The following TCP11L2 variants were observed in gnomAD, a reference collection of about 807,000 sequenced individuals.
The protein encoded by TCP11L2 is t-complex 11 like 2.
TCP11L2 carries 39 observed loss-of-function variants against 50.7 expected under a neutral mutation model. The ratio of observed to expected loss-of-function variants is 0.77; its 90% confidence interval spans 0.60 to 1.01. The LOEUF is 1.01. TCP11L2 is among the 50% of genes least tolerant of loss of function. TCP11L2 has a pLI of 0.00. For synonymous variants in TCP11L2, 192 were observed against 219.3 expected (o/e 0.88, Z 1.10); for missense variants, 612 against 614.7 (o/e 1.00, Z 0.05).
intron 6 of TCP11L2, among the ~76,000 whole-genome samples, chr12:106,327,567 T>C (rs1183998500): frequency 6.6e-6 from 1 of 152,180 alleles, no homozygotes; most frequent in Non-Finnish European, 1.5e-5. Context: ...GATTTAAGAA[T>C]AGAGCAAACC....
intron 3 of TCP11L2, 29 bp downstream of exon 3, chr12:106,314,522 A>G: frequency 6.3e-7 from 1 of 1,584,682 alleles, no homozygotes. Flanking sequence ...TTGTATATAA[A>G]CTGCTGAAGA....
rs763998268 is a variant in TCP11L2, at chr12:106,321,645, C to G, written c.574C>G (p.Pro192Ala). The change falls in exon 5 of 10, where the codon CCC (proline) becomes GCC (alanine). Residue 192 changes from proline to alanine, a missense_variant. Transcript: ENST00000299045. ...VISTMGKLCAPVRDNDIRELK... is the reference protein window; with the variant it reads ...VISTMGKLCAAVRDNDIRELK... ...CAGTACGATGGGAAAGCTGTGTGCT[C>G]CCGTGCGAGATAATGATATCAGAGA... The G allele has an allele frequency of 1.2e-6, 2 of 1,614,004 alleles. No individual in the cohort carries two copies. Among genetic ancestry groups the G allele is most frequent in the African/African-American group, 1.3e-5 (1 of 74,888 alleles).
chr12:106,331,057 TGTCTTTAAGGTCATA>T (rs914806211), intron 6 of TCP11L2, among the ~76,000 whole-genome samples: 4 of 152,218 alleles, frequency 2.6e-5, no homozygotes, highest in Non-Finnish European at 5.9e-5. Flanking sequence ...AACTGGACAT[TGTCTTTAAGGTCATA>T]GTCTTTAAGG....
Position 106,311,231 on chromosome 12 carries a change from T to G in TCP11L2, c.156T>G (p.Ala52=), listed in dbSNP as rs368859040. The change falls in exon 2 of 10, where the codon GCT becomes GCG. Residue 52 remains alanine, a splice_region_variant and synonymous_variant. Transcript: ENST00000299045. The part of the protein sequence containing the change: ...SDSSSKSSSP[A]STSPPRVVTF... Reference sequence around the variant, plus strand: ...CCTCCAGCAAATCCAGCTCTCCTGCTTGTGAGCCGATGGGGGAGCAGGGGT... The same window carrying G: ...CCTCCAGCAAATCCAGCTCTCCTGCGTGTGAGCCGATGGGGGAGCAGGGGT... The G allele has an allele frequency of 2.5e-5, 40 of 1,613,518 alleles. No individual in the cohort carries two copies. The African/African-American group carries it at 4.7e-4, about 19-fold the overall frequency.
At chr12:106,333,775 T>C (rs1565857320) in intron 6 of TCP11L2, among the ~76,000 whole-genome samples, 1 of 152,216 alleles carries the variant, frequency 6.6e-6, no homozygotes, top group South Asian at 2.1e-4. Context: ...CTCAAGACTG[T>C]ACATATAACA....
intron 6 of TCP11L2, chr12:106,330,424 C>T (rs1285482260): frequency 5.5e-6 from 3 of 541,702 alleles, no homozygotes; most frequent in Non-Finnish European, 7.1e-6. Flanking sequence ...TATGTCCCAT[C>T]CTGGCAGGGC....
Position 106,329,780 on chromosome 12 carries a change from A to G in TCP11L2, c.773-5859A>G, listed in dbSNP as rs75025484. On this transcript the variant is annotated intron_variant, in intron 6 of 9. Transcript: ENST00000299045. ...CCACATTGTAATTATATTCACGATG[A>G]TTTCCACTCGCGCTCTCTCAGTTGG... 1.4e-3 allele frequency: 1,378 copies of G among 993,582 alleles called. 20 individuals carry two copies. The African/African-American group carries it at 0.022, about 16-fold the overall frequency. The allele number at this position is 993,582 out of a possible 1,614,324, so 61.5% of individuals were successfully genotyped here.
intron 4 of TCP11L2, among the ~76,000 whole-genome samples, chr12:106,320,600 G>C (rs2035301194): frequency 6.6e-6 from 1 of 152,174 alleles, no homozygotes; most frequent in African/African-American, 2.4e-5. Context: ...ATGTGAGTGA[G>C]TGCATCCTGC....
upstream of TCP11L2, among the ~76,000 whole-genome samples, chr12:106,302,638 T>C (rs969124973): frequency 9.9e-5 from 15 of 151,594 alleles, no homozygotes; most frequent in Non-Finnish European, 1.9e-4. Context: ...CGAAGACTGT[T>C]TCTCTAATAG....
chr12:106,309,958 C>T (rs1482776531), intron 1 of TCP11L2, among the ~76,000 whole-genome samples: 2 of 152,150 alleles, frequency 1.3e-5, no homozygotes, highest in Non-Finnish European at 2.9e-5. Context: ...ATTCAGTGAA[C>T]TCTTCCTCTC....
At chr12:106,331,383 A>G (rs1394017250) in intron 6 of TCP11L2, among the ~76,000 whole-genome samples, 1 of 152,116 alleles carries the variant, frequency 6.6e-6, no homozygotes, top group African/African-American at 2.4e-5. Context: ...TAACCACCCC[A>G]CTGCTTAGCC....
At chr12:106,303,634 G>C (rs935118204) in intron 1 of TCP11L2, 3 of 152,256 alleles carry the variant, frequency 2.0e-5, no homozygotes, top group African/African-American at 7.2e-5. Flanking sequence ...TGCTACTGTA[G>C]GTGGCACCAC....
At chr12:106,342,787 A>T (rs1296022187) in intron 9 of TCP11L2, among the ~76,000 whole-genome samples, 1 of 152,126 alleles carries the variant, frequency 6.6e-6, no homozygotes, top group Non-Finnish European at 1.5e-5. Flanking sequence ...CATGTTCCTA[A>T]CTGCTCTGAC....
At chr12:106,304,837 G>T (rs2034564550) in intron 1 of TCP11L2, among the ~76,000 whole-genome samples, 1 of 152,222 alleles carries the variant, frequency 6.6e-6, no homozygotes, top group Non-Finnish European at 1.5e-5. Flanking sequence ...ATTTTGCGGT[G>T]CATAAAGAAT....
chr12:106,329,356 T>C (rs1565854295), intron 6 of TCP11L2: 3 of 1,536,090 alleles, frequency 2.0e-6, no homozygotes, highest in Non-Finnish European at 2.6e-6. Context: ...AGGTGCCTCA[T>C]GAGGCTGACC....
chr12:106,319,919 T>G (rs1039950132), intron 4 of TCP11L2, among the ~76,000 whole-genome samples: 1 of 152,268 alleles, frequency 6.6e-6, no homozygotes, highest in Non-Finnish European at 1.5e-5. Flanking sequence ...ATTCTATATG[T>G]AAAATATACT....
chr12:106,336,638 C>T (rs548431195), intron 8 of TCP11L2, among the ~76,000 whole-genome samples: 9 of 151,420 alleles, frequency 5.9e-5, no homozygotes, highest in South Asian at 2.1e-4. Flanking sequence ...CTGCAACCTC[C>T]GCCTCCCGGG....
At chr12:106,323,746 A>T in intron 6 of TCP11L2, 100 bp downstream of exon 6, 1 of 455,292 alleles carries the variant, frequency 2.2e-6, no homozygotes, top group Non-Finnish European at 3.3e-6. Context: ...AATTAAATTA[A>T]TAAATAAATA....
chr12:106,329,519 C>T, intron 6 of TCP11L2: 2 of 1,468,866 alleles, frequency 1.4e-6, no homozygotes, highest in East Asian at 2.5e-5. Flanking sequence ...TTAGAATCAT[C>T]TGGGGCGTTT....
Sources: allele counts gnomAD v4.1 joint callset (sites outside exome capture counted in the v4.1 genomes callset), GRCh38; gene constraint gnomAD v4.1.1; transcripts MANE v1.5; gene names NCBI Gene and HGNC (gene_info 2026-07-23, HGNC 2026-07-21).